The following ELP4 variants were observed in gnomAD, a reference collection of about 807,000 sequenced individuals.
The protein encoded by ELP4 is elongator acetyltransferase complex subunit 4, also known as elongator complex protein 4.
Under a neutral mutation model 48.9 loss-of-function variants are expected in ELP4, and 51 were observed. The observed-to-expected ratio is 1.04, with a 90% CI of 0.83 to 1.32. The LOEUF (loss-of-function observed/expected upper bound fraction) is 1.32. Among genes scored for constraint, ELP4 ranks in the 40% most tolerant of loss-of-function variants. ELP4 has a pLI of 0.00. For synonymous variants in ELP4, 210 were observed against 189.2 expected, an observed-to-expected ratio of 1.11 and a Z score of -0.90; for missense variants, 519 against 514.6, an observed-to-expected ratio of 1.01 and a Z score of -0.08.
At chr11:31,782,037 G>A (rs1404554974) in intron 9 of ELP4, among the ~76,000 whole-genome samples, 1 of 151,976 alleles carries the variant, frequency 6.6e-6, no homozygotes, top group African/African-American at 2.4e-5. Context: ...TCTTGACCCC[G>A]TTAACCTTTC....
In ELP4 at chr11:31,708,807, G is replaced by T. The variant is rs541111850; in HGVS notation, c.1143+58586G>T. 2.0e-5 allele frequency among the ~76,000 whole-genome samples: 3 copies of T among 152,166 alleles called. No individual in the cohort carries two copies. In the South Asian group the frequency reaches 6.2e-4, roughly 32 times the overall value. On this transcript the variant is annotated intron_variant, in intron 9 of 9. Coordinates refer to ENST00000640961, the MANE Select transcript of ELP4 (RefSeq NM_019040.5). ...AATCAAATATATATATTTTTAAGCT[G>T]CTCCTTTGAATTACCTGTTGCCTAA...
At chr11:31,530,909 A>G (rs1354504086) in intron 2 of ELP4, among the ~76,000 whole-genome samples, 1 of 152,214 alleles carries the variant, frequency 6.6e-6, no homozygotes, top group Non-Finnish European at 1.5e-5. Flanking sequence ...CAGGACAAGC[A>G]TCTTTCTGAA....
chr11:31,520,066 A>C lies in ELP4; in HGVS notation c.234A>C (p.Leu78Phe). Residue 78 changes from leucine (L) to phenylalanine (F), a missense_variant, in exon 2 of 10, where the codon TTA (leucine) becomes TTC (phenylalanine). By Grantham distance (22) the Leu-to-Phe change is conservative. Transcript: ENST00000640961. The part of the protein sequence containing the change: ...PALDQLLGGG[L>F]AVGTVLLIEE... ...TTGTTTCATTTCCAGGTGGAGGTTTAGCCGTTGGAACAGTTCTTCTAATTG... is the reference window on the plus strand; with the variant it reads ...TTGTTTCATTTCCAGGTGGAGGTTTCGCCGTTGGAACAGTTCTTCTAATTG... 1 of 1,612,854 alleles carries C rather than the reference A, an allele frequency of 6.2e-7. No individual in the cohort carries two copies. Among genetic ancestry groups the C allele is most frequent in the Non-Finnish European group, 8.5e-7 (1 of 1,179,552 alleles).
chr11:31,602,811 CTT>C (rs1957805874), intron 4 of ELP4, among the ~76,000 whole-genome samples: 1 of 151,644 alleles, frequency 6.6e-6, no homozygotes, highest in Non-Finnish European at 1.5e-5. Flanking sequence ...TATTCTGAAA[CTT>C]ATATGTTTCA....
intron 9 of ELP4, among the ~76,000 whole-genome samples, chr11:31,655,414 T>A (rs1006938977): frequency 3.3e-5 from 5 of 151,942 alleles, no homozygotes; most frequent in African/African-American, 1.2e-4. Context: ...ATTATTGTCT[T>A]GAATCTGTAG....
intron 3 of ELP4, among the ~76,000 whole-genome samples, chr11:31,578,712 G>A (rs1957332240): frequency 6.6e-6 from 1 of 152,134 alleles, no homozygotes; most frequent in African/African-American, 2.4e-5. Flanking sequence ...TTAATAAATG[G>A]TGCTGGGAAA....
intron 9 of ELP4, among the ~76,000 whole-genome samples, chr11:31,668,077 G>A (rs892418840): frequency 6.6e-6 from 1 of 152,014 alleles, no homozygotes; most frequent in Non-Finnish European, 1.5e-5. Context: ...AGTTTAAATG[G>A]TAATTATTGA....
At chr11:31,701,055 C>A (rs1384039179) in intron 9 of ELP4, among the ~76,000 whole-genome samples, 4 of 152,038 alleles carry the variant, frequency 2.6e-5, no homozygotes, top group Non-Finnish European at 4.4e-5. Flanking sequence ...ATTTACCAAT[C>A]ACTTGATTAG....
At chr11:31,753,267 T>C (rs539332287) in intron 9 of ELP4, among the ~76,000 whole-genome samples, 9 of 152,368 alleles carry the variant, frequency 5.9e-5, no homozygotes, top group Admixed American at 4.6e-4. Context: ...ACAAGACTTA[T>C]GTGATTTTGC....
intron 9 of ELP4, among the ~76,000 whole-genome samples, chr11:31,764,154 G>A (rs961350174): frequency 3.3e-5 from 5 of 152,102 alleles, no homozygotes; most frequent in Admixed American, 2.6e-4. Context: ...CTTGGTGTGC[G>A]ATACAATATT....
chr11:31,597,055 A>C (rs1957681738), intron 4 of ELP4, among the ~76,000 whole-genome samples: 1 of 152,204 alleles, frequency 6.6e-6, no homozygotes, highest in Admixed American at 6.5e-5. Flanking sequence ...AAAATGTAAA[A>C]AGGTACAACT....
Position 31,785,856 on chromosome 11 carries a change from T to A in ELP4, c.*2332T>A, listed in dbSNP as rs1205378983. 1 of 195,866 alleles carries A rather than the reference T, an allele frequency of 5.1e-6. No individual in the cohort carries two copies. The highest frequency in any genetic ancestry group is 6.1e-5 in the Admixed American group (1 of 16,466). The allele number at this position is 195,866 out of a possible 1,614,324, so 12.1% of individuals were successfully genotyped here. ...TGAAATATACACTCCATTAACAGAT[T>A]TTTTTTAATTATCAGCTTGACTCAA... is the stretch of plus-strand genomic sequence containing the variant. On this transcript the variant is annotated 3_prime_UTR_variant, in exon 10 of 10. Transcript: ENST00000640961.
intron 5 of ELP4, among the ~76,000 whole-genome samples, chr11:31,617,789 A>G (rs1944525301): frequency 6.6e-6 from 1 of 151,754 alleles, no homozygotes; most frequent in African/African-American, 2.4e-5. Flanking sequence ...CACATCCTCT[A>G]GGATAGCTAG....
At chr11:31,765,145 G>A (rs1240717805) in intron 9 of ELP4, among the ~76,000 whole-genome samples, 1 of 152,142 alleles carries the variant, frequency 6.6e-6, no homozygotes, top group African/African-American at 2.4e-5. Flanking sequence ...TCATCACCAT[G>A]AAAAACTGTT....
intron 9 of ELP4, among the ~76,000 whole-genome samples, chr11:31,708,376 C>T (rs189259977): frequency 6.6e-6 from 1 of 152,108 alleles, no homozygotes; most frequent in African/African-American, 2.4e-5. Flanking sequence ...AGTATAGCAT[C>T]CAAGACATAA....
In ELP4 at chr11:31,632,103, A is replaced by T. The variant is rs1944872661; in HGVS notation, c.739-114A>T. On this transcript the variant is annotated intron_variant, in intron 6 of 9. Transcript: ENST00000640961. ...CTAATAGTACATAAAAATTTTTAAC[A>T]CATCTATTGACATTGTCTCCCTGAT... 3.9e-6 allele frequency: 3 copies of T among 764,552 alleles called. No homozygotes were observed. The South Asian group carries it at 6.7e-5, about 17-fold the overall frequency. The allele number at this position is 764,552 out of a possible 1,614,324, so 47.4% of individuals were successfully genotyped here. A position where few individuals can be genotyped will look rare whatever the true frequency, so the allele number is the denominator to read the frequency against.
At chr11:31,545,128 T>C (rs979629567) in intron 3 of ELP4, among the ~76,000 whole-genome samples, 1 of 152,068 alleles carries the variant, frequency 6.6e-6, no homozygotes, top group East Asian at 1.9e-4. Flanking sequence ...TGGAACAAAG[T>C]TGGACAGAGA....
intron 9 of ELP4, among the ~76,000 whole-genome samples, chr11:31,704,556 C>T (rs1355928317): frequency 6.6e-6 from 1 of 151,994 alleles, no homozygotes; most frequent in African/African-American, 2.4e-5. Flanking sequence ...TTAATGGGTG[C>T]AGCACACCAA....
intron 3 of ELP4, among the ~76,000 whole-genome samples, chr11:31,563,932 T>A (rs933432939): frequency 1.3e-5 from 2 of 152,214 alleles, no homozygotes; most frequent in African/African-American, 4.8e-5. Context: ...GAGGATGTTA[T>A]CTGTGATTGA....
Sources: gnomAD v4.1 joint callset for allele counts (sites outside exome capture counted in the v4.1 genomes callset) on GRCh38, gnomAD v4.1.1 for gene constraint, MANE v1.5 for transcripts, NCBI Gene and HGNC (gene_info 2026-07-23, HGNC 2026-07-21) for gene names.